Variants in SLC12A7 observed in about 807,000 individuals in gnomAD.
SLC12A7 encodes K-Cl cotransporter 4.
SLC12A7 carries 100 observed loss-of-function variants against 120.6 expected under a neutral mutation model. The observed-to-expected ratio is 0.83, with a 90% CI of 0.71 to 0.98. SLC12A7 has a LOEUF of 0.98. Ranked by LOEUF, SLC12A7 falls within the 50% of genes least tolerant of loss-of-function variation. SLC12A7 has a pLI of 0.00. For missense variants in SLC12A7, 1,373 were observed against 1,548.1 expected (o/e 0.89, Z 1.90); for synonymous variants, 760 against 678.0 (o/e 1.12, Z -1.88).
intron 1 of SLC12A7, among the ~76,000 whole-genome samples, chr5:1,100,629 G>A (rs2150898260): frequency 6.6e-6 from 1 of 152,366 alleles, no homozygotes; most frequent in South Asian, 2.1e-4. Context: ...AAGTGCTGTT[G>A]ACGCGTGTGC....
rs563809553 is a variant in SLC12A7 at position 1,106,106 on chromosome 5, C to T, written c.124+5762G>A. Among the ~76,000 whole-genome samples the T allele has an allele frequency of 5.6e-4, 85 of 152,358 alleles. 1 individual carries two copies. Among genetic ancestry groups the T allele is most frequent in the East Asian group, 2.3e-3 (12 of 5,184 alleles). ...GCCAGGAACTGTGGTTAATACTTAA[C>T]GTCAAACATCAAACTTTGCCCTCCA... On this transcript the variant is annotated intron_variant, in intron 1 of 23. Transcript: ENST00000264930.
the SLC12A7 span, among the ~76,000 whole-genome samples, chr5:1,141,084 C>T: frequency 1.3e-5 from 2 of 152,198 alleles, no homozygotes; most frequent in Non-Finnish European, 2.9e-5. Flanking sequence ...AAGCCTCGGG[C>T]CTGAAGTCCC....
chr5:1,066,318 A>AC (rs1737049816), intron 17 of SLC12A7, among the ~76,000 whole-genome samples: 1 of 152,046 alleles, frequency 6.6e-6, no homozygotes, highest in Non-Finnish European at 1.5e-5. Flanking sequence ...GATGGACCAG[A>AC]CCCCACATTT....
intron 20 of SLC12A7, among the ~76,000 whole-genome samples, chr5:1,061,725 G>A (rs1342083941): frequency 1.6e-4 from 24 of 152,138 alleles, no homozygotes; most frequent in African/African-American, 5.8e-4. Context: ...CGAGGCGGGT[G>A]GATCACCTGA....
chr5:1,052,621 G>A (rs1311649280), intron 23 of SLC12A7, among the ~76,000 whole-genome samples, 170 bp from the exon 24 acceptor site: 4 of 65,878 alleles, frequency 6.1e-5, no homozygotes, highest in Non-Finnish European at 1.8e-4. Context: ...AGGCGGGGAG[G>A]AGCAGGGCAG....
chr5:1,129,557 C>T, the SLC12A7 span, among the ~76,000 whole-genome samples: 21 of 152,252 alleles, frequency 1.4e-4, no homozygotes, highest in South Asian at 1.2e-3. Context: ...GCGTCCCAGG[C>T]GACAGGGTGG....
chr5:1,114,734 T>C (rs56031640), upstream of SLC12A7, among the ~76,000 whole-genome samples: 8,508 of 151,554 alleles, frequency 0.056, 359 homozygotes, highest in East Asian at 0.14. Flanking sequence ...ACTGCTGGGA[T>C]CCGGGTCCAG....
intron 1 of SLC12A7, among the ~76,000 whole-genome samples, chr5:1,104,823 C>T (rs35188965): frequency 0.49 from 73,744 of 151,998 alleles, 18,906 homozygotes; most frequent in Non-Finnish European, 0.58. Flanking sequence ...AAGGGGAGAG[C>T]GGAAACAGGC....
the SLC12A7 span, among the ~76,000 whole-genome samples, chr5:1,140,472 G>C: frequency 2.4e-4 from 35 of 145,904 alleles, no homozygotes; most frequent in African/African-American, 9.0e-4. Context: ...GCTCCCTGCT[G>C]GTGAGTGGGT....
chr5:1,080,765 G>A (rs2150845506), intron 9 of SLC12A7, among the ~76,000 whole-genome samples: 1 of 152,342 alleles, frequency 6.6e-6, no homozygotes, highest in Middle Eastern at 3.4e-3. Context: ...GAGGGCCGAG[G>A]TCCCCGGCCT....
upstream of SLC12A7, among the ~76,000 whole-genome samples, chr5:1,114,605 C>T (rs753802097): frequency 1.3e-5 from 2 of 152,142 alleles, no homozygotes; most frequent in South Asian, 2.1e-4. Context: ...TTTCTGTACC[C>T]GGCACCTGTT....
chr5:1,083,794 G>A lies in SLC12A7; in HGVS notation c.1080C>T (p.Asn360=), dbSNP rs371943826. The change falls in exon 8 of 24, where the codon AAC becomes AAT. Residue 360 remains asparagine, a synonymous_variant. Coordinates refer to ENST00000264930, the MANE Select transcript of SLC12A7 (RefSeq NM_006598.3). ...CCGGGATGCCCTGGATTTCGGTGAC[G>A]TTGTTCTGGATGAAGTACTCGTCAC... ...AACDEYFIQN[N]VTEIQGIPGA... is the part of the protein sequence containing the mutation. The A allele has an allele frequency of 1.7e-5, 28 of 1,612,576 alleles. No homozygotes were observed. In the Admixed American group the frequency reaches 2.3e-4, roughly 13 times the overall value.
At chr5:1,097,899 G>C (rs1350230792) in intron 1 of SLC12A7, among the ~76,000 whole-genome samples, 1 of 151,818 alleles carries the variant, frequency 6.6e-6, no homozygotes, top group Non-Finnish European at 1.5e-5. Context: ...CACAGCAAGC[G>C]TGCTCTCAGC....
chr5:1,052,994 G>T (rs921311689), intron 23 of SLC12A7, among the ~76,000 whole-genome samples: 6 of 152,244 alleles, frequency 3.9e-5, no homozygotes, highest in African/African-American at 1.2e-4. Flanking sequence ...TCCCACCGTT[G>T]TCGGCGCAGG....
intron 20 of SLC12A7, among the ~76,000 whole-genome samples, chr5:1,061,715 C>T (rs867053147): frequency 1.5e-4 from 23 of 152,154 alleles, no homozygotes; most frequent in African/African-American, 4.3e-4. Flanking sequence ...TTTGGGAGGC[C>T]GAGGCGGGTG....
chr5:1,142,465 C>G, the SLC12A7 span, among the ~76,000 whole-genome samples: 1 of 29,520 alleles, frequency 3.4e-5, no homozygotes, highest in African/African-American at 2.2e-4. Context: ...CCCTCCACTC[C>G]CCCCTCCCCT....
chr5:1,109,631 G>A (rs942237186), intron 1 of SLC12A7, among the ~76,000 whole-genome samples: 10 of 151,962 alleles, frequency 6.6e-5, no homozygotes, highest in African/African-American at 1.2e-4. Context: ...GCTCTGGGTC[G>A]AGCCAGGCAG....
intron 17 of SLC12A7, among the ~76,000 whole-genome samples, chr5:1,069,612 C>G (rs1242160600): frequency 1.3e-5 from 2 of 152,186 alleles, no homozygotes. Context: ...CTCGAGGCGC[C>G]CACGGCAGCC....
At chr5:1,087,147 G>T (rs762492782) in intron 5 of SLC12A7, 114 bp from the exon 6 acceptor site, 18 of 1,355,140 alleles carry the variant, frequency 1.3e-5, no homozygotes, top group Non-Finnish European at 1.2e-5. Flanking sequence ...CGAAGGCAGC[G>T]TGTAGACCCT....
Sources: allele counts gnomAD v4.1 joint callset (sites outside exome capture counted in the v4.1 genomes callset), GRCh38; gene constraint gnomAD v4.1.1; transcripts MANE v1.5; gene names NCBI Gene and HGNC (gene_info 2026-07-23, HGNC 2026-07-21).